Variants in SBF2 observed in about 807,000 individuals in gnomAD.
The protein encoded by SBF2 is myotubularin-related protein 13.
A neutral mutation model predicts 225.2 loss-of-function variants in SBF2; 112 were observed. The observed-to-expected ratio is 0.50, with a 90% CI of 0.43 to 0.58. The LOEUF is 0.58. Ranked by LOEUF, SBF2 falls within the 20% of genes least tolerant of loss-of-function variation. The probability of loss-of-function intolerance (pLI) is 0.00; values close to 1 mark genes in which losing one functional copy is unlikely to be tolerated. For synonymous variants in SBF2, 763 were observed against 773.3 expected, an observed-to-expected ratio of 0.99 and a Z score of 0.22; for missense variants, 1,996 against 2,206.2, an observed-to-expected ratio of 0.90 and a Z score of 1.91.
chr11:10,299,913 T>C (rs950126869), intron 1 of SBF2, among the ~76,000 whole-genome samples: 22 of 152,210 alleles, frequency 1.4e-4, no homozygotes, highest in Admixed American at 9.2e-4. Context: ...CATGTCACCA[T>C]AAATAAAGTG....
intron 3 of SBF2, among the ~76,000 whole-genome samples, chr11:10,040,431 G>A (rs1949609581): frequency 6.6e-6 from 1 of 151,934 alleles, no homozygotes; most frequent in South Asian, 2.1e-4. Flanking sequence ...AATGGGGGGT[G>A]AGAAGTTACA....
At chr11:10,081,264 C>A (rs1565208392) in intron 2 of SBF2, among the ~76,000 whole-genome samples, 2 of 151,994 alleles carry the variant, frequency 1.3e-5, no homozygotes, top group Non-Finnish European at 2.9e-5. Flanking sequence ...AAATCAATTC[C>A]AAGAGGAACT....
intron 2 of SBF2, among the ~76,000 whole-genome samples, chr11:10,063,482 C>T (rs1436814512): frequency 1.3e-5 from 2 of 151,418 alleles, no homozygotes; most frequent in Admixed American, 6.6e-5. Flanking sequence ...CTCAGCCTCC[C>T]GAGTAGCTGG....
At chr11:10,100,049 CAA>C (rs1952210828) in intron 2 of SBF2, among the ~76,000 whole-genome samples, 1 of 152,180 alleles carries the variant, frequency 6.6e-6, no homozygotes, top group Admixed American at 6.5e-5. Context: ...AATAAAAAGA[CAA>C]AGTGGGTGAA....
At chr11:10,207,846 CTACT>C (rs1418225840) in intron 1 of SBF2, among the ~76,000 whole-genome samples, 1 of 152,192 alleles carries the variant, frequency 6.6e-6, no homozygotes, top group African/African-American at 2.4e-5. Flanking sequence ...ACTTATTTAA[CTACT>C]TAAAGAAAAC....
At chr11:10,159,320 C>T (rs1357269482) in intron 2 of SBF2, among the ~76,000 whole-genome samples, 9 of 152,216 alleles carry the variant, frequency 5.9e-5, no homozygotes, top group Admixed American at 5.2e-4. Flanking sequence ...GTGGGACTAA[C>T]ATTAGCCACA....
chr11:10,092,274 A>C (rs1458708906), intron 2 of SBF2, among the ~76,000 whole-genome samples: 2 of 152,162 alleles, frequency 1.3e-5, no homozygotes, highest in Admixed American at 1.3e-4. Context: ...CTAATATGCT[A>C]ATTTTTTTCT....
chr11:10,299,959 T>C (rs1964579284), intron 1 of SBF2, among the ~76,000 whole-genome samples: 3 of 152,248 alleles, frequency 2.0e-5, no homozygotes, highest in African/African-American at 7.2e-5. Flanking sequence ...CTATTTACTC[T>C]GACCCTGATG....
intron 13 of SBF2, among the ~76,000 whole-genome samples, chr11:9,978,571 A>C (rs1946802507): frequency 6.6e-6 from 1 of 152,224 alleles, no homozygotes; most frequent in Non-Finnish European, 1.5e-5. Flanking sequence ...ATACTTCACG[A>C]TGATCACTTT....
chr11:10,223,764 G>A (rs892315484), intron 1 of SBF2, among the ~76,000 whole-genome samples: 1 of 151,962 alleles, frequency 6.6e-6, no homozygotes, highest in Non-Finnish European at 1.5e-5. Context: ...TCAAGAGTGA[G>A]AATTTTTAAC....
At chr11:10,129,983 C>T (rs973255866) in intron 2 of SBF2, among the ~76,000 whole-genome samples, 9 of 152,054 alleles carry the variant, frequency 5.9e-5, no homozygotes, top group Non-Finnish European at 1.5e-5. Context: ...GCACTCCAGC[C>T]TGGGTGAAAG....
chr11:10,148,235 G>A (rs536941427), intron 2 of SBF2, among the ~76,000 whole-genome samples: 1 of 152,252 alleles, frequency 6.6e-6, no homozygotes, highest in East Asian at 1.9e-4. Flanking sequence ...TCGCAGTAGA[G>A]AGAGAATACT....
chr11:9,974,416 T>C (rs973010024), intron 13 of SBF2, among the ~76,000 whole-genome samples: 5 of 152,028 alleles, frequency 3.3e-5, no homozygotes, highest in Non-Finnish European at 7.4e-5. Flanking sequence ...TCCAGACCAA[T>C]TTCATGAAGT....
At position 10,024,553 on chromosome 11, in the gene SBF2, T is replaced by A. The variant is rs188129097; in HGVS notation, c.619+3899A>T. Among the ~76,000 whole-genome samples, 4 of 152,118 alleles carry A rather than the reference T, an allele frequency of 2.6e-5. No individual in the cohort carries two copies. The East Asian group carries it at 7.7e-4, about 29-fold the overall frequency. On this transcript the variant is annotated intron_variant, in intron 6 of 39. Coordinates refer to ENST00000256190, the MANE Select transcript of SBF2 (RefSeq NM_030962.4). Reference sequence around the variant, plus strand: ...CAAGCTGTGCAGGTCACAGCAAGCATCTCCCCAAACCCCTTCTTTGTTCTC... The same window carrying A: ...CAAGCTGTGCAGGTCACAGCAAGCAACTCCCCAAACCCCTTCTTTGTTCTC...
intron 17 of SBF2, among the ~76,000 whole-genome samples, chr11:9,878,507 T>C (rs978258180): frequency 6.6e-6 from 1 of 152,216 alleles, no homozygotes; most frequent in Non-Finnish European, 1.5e-5. Flanking sequence ...GGTTTTCTTC[T>C]AGGGTTTTTA....
At chr11:9,846,251 C>G (rs1166229717) in intron 23 of SBF2, among the ~76,000 whole-genome samples, 1 of 152,194 alleles carries the variant, frequency 6.6e-6, no homozygotes, top group Non-Finnish European at 1.5e-5. Flanking sequence ...GCCTAAAGAT[C>G]AGCAGCCTTA....
chr11:10,053,781 G>T (rs1590846729), intron 2 of SBF2, among the ~76,000 whole-genome samples: 1 of 151,792 alleles, frequency 6.6e-6, no homozygotes, highest in South Asian at 2.1e-4. Flanking sequence ...TTAACCAAGA[G>T]TAGTGGCATG....
chr11:9,788,264 T>C (rs1852502263), intron 35 of SBF2, among the ~76,000 whole-genome samples: 1 of 152,222 alleles, frequency 6.6e-6, no homozygotes, highest in Non-Finnish European at 1.5e-5. Context: ...GTATGACCAC[T>C]GAAGCATACT....
chr11:10,200,879 G>GA (rs1283545573), intron 1 of SBF2, among the ~76,000 whole-genome samples: 3 of 151,692 alleles, frequency 2.0e-5, no homozygotes, highest in Non-Finnish European at 2.9e-5. Flanking sequence ...AATATTTCCC[G>GA]AAAAAAAATT....
Sources: gnomAD v4.1 joint callset for allele counts (sites outside exome capture counted in the v4.1 genomes callset) on GRCh38, gnomAD v4.1.1 for gene constraint, MANE v1.5 for transcripts, NCBI Gene and HGNC (gene_info 2026-07-23, HGNC 2026-07-21) for gene names.